Variants in EXOC2 observed in about 807,000 individuals in gnomAD.
EXOC2 encodes the protein SEC5-like 1.
Under a neutral mutation model 131.8 loss-of-function variants are expected in EXOC2, and 70 were observed. The observed-to-expected ratio is 0.53, with a 90% CI of 0.44 to 0.65. The LOEUF is 0.65. EXOC2 is among the 30% of genes least tolerant of loss of function. The pLI is 0.00. For synonymous variants in EXOC2, 411 were observed against 398.4 expected (o/e 1.03, Z -0.38); for missense variants, 923 against 1,108.6 (o/e 0.83, Z 2.38).
intron 22 of EXOC2, among the ~76,000 whole-genome samples, chr6:541,018 G>A (rs1273024468): frequency 2.0e-5 from 3 of 152,198 alleles, no homozygotes; most frequent in Admixed American, 6.5e-5. Flanking sequence ...TGTGGAATGT[G>A]GTATCCAAAA....
At chr6:652,416 T>G in intron 1 of EXOC2, among the ~76,000 whole-genome samples, 1 of 152,168 alleles carries the variant, frequency 6.6e-6, no homozygotes, top group South Asian at 2.1e-4. Context: ...TTAACAAGTT[T>G]AAGTGTTTTA....
At position 562,809 on chromosome 6, in the gene EXOC2, AC is replaced by A; in HGVS notation, c.1825del (p.Val609LeufsTer6). 1 of 1,601,062 alleles carries A rather than the reference AC, an allele frequency of 6.2e-7. No homozygotes were observed. Among genetic ancestry groups the A allele is most frequent in the Non-Finnish European group, 8.5e-7 (1 of 1,175,134 alleles). ...TAGAGAAGTCAGTCCTTCATTGTCA[AC>A]AATCCAGTCTTCTTTTTCAGCTAAT... is the stretch of plus-strand genomic sequence containing the variant. ...KRLAEKEDWIVDNEGLTSLPC... is the reference protein window; with the variant it reads ...KRLAEKEDWIXDNEGLTSLPC... On this transcript the variant is annotated frameshift_variant, in exon 17 of 28. Transcript: ENST00000230449. LOFTEE classifies it high-confidence loss of function.
chr6:610,088 C>T lies in EXOC2; in HGVS notation c.742+10G>A, dbSNP rs1737556. The T allele has an allele frequency of 0.04, 65,047 of 1,611,928 alleles. 1,720 individuals carry two copies. Among genetic ancestry groups the T allele is most frequent in the South Asian group, 0.1 (9,318 of 90,632 alleles). On this transcript the variant is annotated intron_variant, in intron 7 of 27. Coordinates refer to ENST00000230449, the MANE Select transcript of EXOC2 (RefSeq NM_018303.6). The stretch of plus-strand genomic sequence containing the variant: ...CCATAAATAGTTCTGGGTAGTAGGA[C>T]AAAACTTACTGTTCAGAACATTCTC...
chr6:579,473 C>T (rs778042091), intron 11 of EXOC2, among the ~76,000 whole-genome samples: 2 of 152,194 alleles, frequency 1.3e-5, no homozygotes, highest in African/African-American at 2.4e-5. Context: ...AGAGCACATG[C>T]CCCTCCGGAC....
chr6:597,950 T>G, intron 10 of EXOC2, 71 bp downstream of exon 10: 1 of 1,116,922 alleles, frequency 9.0e-7, no homozygotes, highest in Admixed American at 2.1e-5. Context: ...AAGTTAGCCT[T>G]AAGGGTTACA....
intron 23 of EXOC2, among the ~76,000 whole-genome samples, chr6:512,998 T>G (rs1764936112): frequency 6.6e-6 from 1 of 152,248 alleles, no homozygotes; most frequent in South Asian, 2.1e-4. Context: ...GTCTGGCATT[T>G]TATTTTCAAC....
chr6:537,222 G>A (rs1428262798), intron 22 of EXOC2, among the ~76,000 whole-genome samples: 8 of 150,802 alleles, frequency 5.3e-5, no homozygotes, highest in African/African-American at 9.8e-5. Flanking sequence ...CCGACGGAGC[G>A]CACACACGAG....
intron 1 of EXOC2, among the ~76,000 whole-genome samples, chr6:655,442 A>C (rs1012153713): frequency 6.6e-6 from 1 of 152,196 alleles, no homozygotes; most frequent in Non-Finnish European, 1.5e-5. Context: ...TTATTGCAAT[A>C]TTTGCTTTTT....
At chr6:631,414 T>C (rs1357836980) in intron 3 of EXOC2, among the ~76,000 whole-genome samples, 1 of 152,132 alleles carries the variant, frequency 6.6e-6, no homozygotes. Flanking sequence ...GGCACGCACC[T>C]GTAATCCCGG....
intron 7 of EXOC2, among the ~76,000 whole-genome samples, chr6:600,556 C>T (rs933817328): frequency 4.6e-5 from 7 of 152,028 alleles, no homozygotes; most frequent in Non-Finnish European, 7.4e-5. Context: ...TGTTAAATCA[C>T]CAAGCACTGT....
At chr6:596,740 C>G (rs1227906213) in intron 10 of EXOC2, among the ~76,000 whole-genome samples, 1 of 152,106 alleles carries the variant, frequency 6.6e-6, no homozygotes, top group African/African-American at 2.4e-5. Flanking sequence ...CATTTTACAA[C>G]CACTGAATAG....
chr6:641,252 G>C (rs1024675188), intron 1 of EXOC2, among the ~76,000 whole-genome samples: 36 of 151,998 alleles, frequency 2.4e-4, no homozygotes, highest in Admixed American at 1.6e-3. Context: ...TGCAGTGGAT[G>C]GCAGGAGAGA....
chr6:653,978 C>G (rs1047280708), intron 1 of EXOC2, among the ~76,000 whole-genome samples: 2 of 152,184 alleles, frequency 1.3e-5, no homozygotes, highest in African/African-American at 4.8e-5. Context: ...TGTGTTCTAT[C>G]AATAGAACAA....
chr6:624,549 T>C (rs1761455471), intron 4 of EXOC2, among the ~76,000 whole-genome samples: 1 of 152,186 alleles, frequency 6.6e-6, no homozygotes, highest in Non-Finnish European at 1.5e-5. Flanking sequence ...AATAACTGAG[T>C]TAAATATTTC....
intron 23 of EXOC2, among the ~76,000 whole-genome samples, chr6:517,036 C>T (rs1195119218): frequency 6.6e-6 from 1 of 152,138 alleles, no homozygotes; most frequent in South Asian, 2.1e-4. Flanking sequence ...GAGAAGGGAC[C>T]ATGACTGATG....
intron 22 of EXOC2, among the ~76,000 whole-genome samples, chr6:538,171 AG>A (rs1766579330): frequency 6.6e-6 from 1 of 152,272 alleles, no homozygotes; most frequent in African/African-American, 2.4e-5. Flanking sequence ...GTGATGAGGC[AG>A]GATCAATGTC....
At chr6:680,345 C>T (rs1177426698) in intron 1 of EXOC2, among the ~76,000 whole-genome samples, 1 of 152,042 alleles carries the variant, frequency 6.6e-6, no homozygotes, top group Non-Finnish European at 1.5e-5. Flanking sequence ...AAAAGAAGAA[C>T]AAAAGCTACC....
intron 13 of EXOC2, among the ~76,000 whole-genome samples, chr6:565,261 C>G (rs890112485): frequency 7.2e-5 from 11 of 152,160 alleles, no homozygotes; most frequent in African/African-American, 2.7e-4. Context: ...ATCATACCCA[C>G]GACAACACTG....
chr6:568,269 GC>G (rs1382223214), intron 13 of EXOC2, among the ~76,000 whole-genome samples: 17 of 152,324 alleles, frequency 1.1e-4, no homozygotes, highest in South Asian at 4.1e-4. Context: ...TCAGTTGAAG[GC>G]CTGAACAGCA....
Sources: gnomAD v4.1 joint callset for allele counts (sites outside exome capture counted in the v4.1 genomes callset) on GRCh38, gnomAD v4.1.1 for gene constraint, MANE v1.5 for transcripts, NCBI Gene and HGNC (gene_info 2026-07-23, HGNC 2026-07-21) for gene names.